Variants in LRRC37A observed in about 807,000 individuals in gnomAD.
LRRC37A encodes leucine-rich repeat-containing protein 37A.
A neutral mutation model predicts 35.4 loss-of-function variants in LRRC37A; 3 were observed. The observed-to-expected ratio is 0.08, with a 90% CI of 0.04 to 0.22. The LOEUF (loss-of-function observed/expected upper bound fraction) is 0.22. Among genes scored for constraint, LRRC37A ranks in the 10% least tolerant of loss-of-function variants. LRRC37A has a pLI of 1.00. For synonymous variants in LRRC37A, 23 were observed against 215.0 expected (o/e 0.11, Z 7.81); for missense variants, 67 against 565.3 (o/e 0.12, Z 8.94).
At position 46,330,905 on chromosome 17, in the gene LRRC37A, G is replaced by A. The variant is rs2051898068; in HGVS notation, c.3628G>A (p.Ala1210Thr). The A allele has an allele frequency of 2.8e-6, 2 of 725,362 alleles. 1 individual carries two copies. Among genetic ancestry groups the A allele is most frequent in the Admixed American group, 5.8e-5 (2 of 34,548 alleles). The allele number at this position is 725,362 out of a possible 1,614,324, so 44.9% of individuals were successfully genotyped here. A position where few individuals can be genotyped will look rare whatever the true frequency, so the allele number is the denominator to read the frequency against. The change falls in exon 9 of 14, where the codon GCC (alanine) becomes ACC (threonine). Residue 1210 changes from alanine (A) to threonine (T), a missense_variant. Coordinates refer to ENST00000320254, the Ensembl canonical transcript of LRRC37A. ...CGAAGAAAAAAGGCTCACGAGTCCA[G>A]CCCCAAGGGAGGTGGAACAGCCCCA... is the stretch of plus-strand genomic sequence containing the variant.
At chr17:46,280,763 G>A in the LRRC37A span, among the ~76,000 whole-genome samples, 1 of 152,094 alleles carries the variant, frequency 6.6e-6, no homozygotes, top group Admixed American at 6.5e-5. Context: ...TAGTAGGGAC[G>A]AGGTTTTGCC....
At chr17:46,287,961 T>TCATA, upstream of LRRC37A, among the ~76,000 whole-genome samples, 1 of 152,342 alleles carries the variant, frequency 6.6e-6, no homozygotes, top group South Asian at 2.1e-4. Flanking sequence ...CATGTCAAAG[T>TCATA]CATAGTGAGA....
the LRRC37A span, among the ~76,000 whole-genome samples, chr17:46,255,684 T>G: frequency 6.6e-6 from 1 of 150,712 alleles, no homozygotes; most frequent in Non-Finnish European, 1.5e-5. Context: ...GTTTTTTGTT[T>G]TTTTTTTTTG....
the LRRC37A span, among the ~76,000 whole-genome samples, chr17:46,287,365 A>T: frequency 5.3e-5 from 8 of 152,286 alleles, no homozygotes; most frequent in African/African-American, 1.9e-4. Flanking sequence ...AGCCATTTCA[A>T]TATCAGGGCT....
the LRRC37A span, among the ~76,000 whole-genome samples, chr17:46,256,024 T>C: frequency 9.9e-5 from 15 of 152,096 alleles, no homozygotes; most frequent in East Asian, 2.1e-3. Context: ...GTGATGGTAT[T>C]AGAAGGTGGG....
At chr17:46,257,309 G>A in the LRRC37A span, among the ~76,000 whole-genome samples, 4 of 152,018 alleles carry the variant, frequency 2.6e-5, no homozygotes, top group Non-Finnish European at 5.9e-5. Context: ...TTAGCTGGGT[G>A]TGGTGGCACG....
the LRRC37A span, among the ~76,000 whole-genome samples, chr17:46,256,923 G>T: frequency 3.3e-5 from 5 of 152,320 alleles, no homozygotes; most frequent in East Asian, 9.6e-4. Context: ...AGACTTCATC[G>T]CCATTTGTAG....
At chr17:46,289,861 T>C (rs1346490977), upstream of LRRC37A, among the ~76,000 whole-genome samples, 1 of 152,252 alleles carries the variant, frequency 6.6e-6, no homozygotes, top group Non-Finnish European at 1.5e-5. Flanking sequence ...GGCTCACACC[T>C]GTAATCCCAG....
chr17:46,332,870 G>A (rs538416912), intron 10 of LRRC37A, among the ~76,000 whole-genome samples: 1 of 150,294 alleles, frequency 6.7e-6, no homozygotes, highest in Non-Finnish European at 1.5e-5. Flanking sequence ...TCTGTGAATT[G>A]AAACCAAGTG....
chr17:46,285,793 T>C, the LRRC37A span, among the ~76,000 whole-genome samples: 1 of 152,200 alleles, frequency 6.6e-6, no homozygotes, highest in Non-Finnish European at 1.5e-5. Context: ...CACTCTAAGA[T>C]TGGAAACTTG....
At chr17:46,275,479 T>C in the LRRC37A span, 4 of 707,348 alleles carry the variant, frequency 5.7e-6, no homozygotes, top group Non-Finnish European at 7.2e-6. Context: ...TGATGCTTTA[T>C]GCGGATGCCA....
At chr17:46,258,131 T>C in the LRRC37A span, among the ~76,000 whole-genome samples, 3 of 152,288 alleles carry the variant, frequency 2.0e-5, no homozygotes, top group East Asian at 1.9e-4. Context: ...CCTCCCCACA[T>C]AGCTAGAGTG....
At chr17:46,284,750 T>G in the LRRC37A span, among the ~76,000 whole-genome samples, 1 of 152,274 alleles carries the variant, frequency 6.6e-6, no homozygotes, top group African/African-American at 2.4e-5. Flanking sequence ...GTGGCAGAGA[T>G]GTGATGTTAG....
chr17:46,314,730 G>A (rs2050977134), intron 5 of LRRC37A, among the ~76,000 whole-genome samples: 2 of 79,714 alleles, frequency 2.5e-5, no homozygotes, highest in African/African-American at 6.4e-5. Context: ...AGAATACTCC[G>A]TTGAATTTGG....
upstream of LRRC37A, among the ~76,000 whole-genome samples, chr17:46,292,126 G>T (rs1416861383): frequency 8.7e-5 from 12 of 138,624 alleles, no homozygotes; most frequent in East Asian, 2.5e-3. Context: ...GAGGTCAGGA[G>T]TTCAAGACCA....
chr17:46,259,765 G>C, the LRRC37A span: 2 of 1,560,958 alleles, frequency 1.3e-6, no homozygotes, highest in East Asian at 2.4e-5. Context: ...CCAGCCAGCA[G>C]GTCCTATGCC....
chr17:46,282,670 A>C, the LRRC37A span, among the ~76,000 whole-genome samples: 1 of 147,934 alleles, frequency 6.8e-6, no homozygotes, highest in Admixed American at 6.8e-5. Context: ...TATTCTCCCC[A>C]CTCGGCTTCC....
the LRRC37A span, among the ~76,000 whole-genome samples, chr17:46,258,176 A>C: frequency 6.6e-6 from 1 of 152,186 alleles, no homozygotes; most frequent in African/African-American, 2.4e-5. Flanking sequence ...CACACAGCCC[A>C]GGTAAGAGTT....
the LRRC37A span, among the ~76,000 whole-genome samples, chr17:46,265,724 T>G: frequency 6.6e-6 from 1 of 152,074 alleles, no homozygotes; most frequent in Non-Finnish European, 1.5e-5. Flanking sequence ...GAGATCCTCC[T>G]GTCTCAGGCT....
Sources: gnomAD v4.1 joint callset for allele counts (sites outside exome capture counted in the v4.1 genomes callset) on GRCh38, gnomAD v4.1.1 for gene constraint, MANE v1.5 for transcripts, NCBI Gene and HGNC (gene_info 2026-07-23, HGNC 2026-07-21) for gene names.